The following SCHIP1 variants were observed in gnomAD, a reference collection of about 807,000 sequenced individuals.
SCHIP1 encodes schwannomin-interacting protein 1.
SCHIP1 carries 8 observed loss-of-function variants against 29.7 expected under a neutral mutation model. That is an observed-to-expected ratio of 0.27 (90% confidence interval 0.16 to 0.49). The LOEUF (loss-of-function observed/expected upper bound fraction) is 0.49, where lower values mean the gene tolerates loss of function less well. Ranked by LOEUF, SCHIP1 falls within the 20% of genes least tolerant of loss-of-function variation. The pLI, the probability that SCHIP1 is intolerant of heterozygous loss-of-function variation, is 0.99. For missense variants in SCHIP1, 193 were observed against 294.6 expected (o/e 0.66, Z 2.52); for synonymous variants, 76 against 94.9 (o/e 0.80, Z 1.16).
At chr3:159,607,538 A>G in the SCHIP1 span, among the ~76,000 whole-genome samples, 1 of 152,308 alleles carries the variant, frequency 6.6e-6, no homozygotes, top group Non-Finnish European at 1.5e-5. Flanking sequence ...AAGAACATTA[A>G]TGAGGCTCTG....
chr3:159,461,835 G>A, the SCHIP1 span, among the ~76,000 whole-genome samples: 5 of 152,124 alleles, frequency 3.3e-5, no homozygotes, highest in African/African-American at 9.6e-5. Context: ...GATAATACAC[G>A]TTCATTGTGG....
chr3:159,673,092 G>T, the SCHIP1 span, among the ~76,000 whole-genome samples: 2 of 152,120 alleles, frequency 1.3e-5, no homozygotes, highest in African/African-American at 2.4e-5. Context: ...TTCTAAAAAG[G>T]CTCCTCAATG....
chr3:159,376,837 C>G, the SCHIP1 span, among the ~76,000 whole-genome samples: 2 of 152,132 alleles, frequency 1.3e-5, no homozygotes, highest in Admixed American at 6.5e-5. Flanking sequence ...GTTTTGGGCT[C>G]CATATTGAAA....
chr3:159,737,469 TC>T, the SCHIP1 span, among the ~76,000 whole-genome samples: 2 of 152,190 alleles, frequency 1.3e-5, no homozygotes, highest in Non-Finnish European at 2.9e-5. Flanking sequence ...ACTGTAGTGT[TC>T]CCAGTAACTT....
At chr3:159,622,419 G>GT in the SCHIP1 span, among the ~76,000 whole-genome samples, 26,422 of 152,180 alleles carry the variant, frequency 0.17, 3,009 homozygotes, top group East Asian at 0.45. Flanking sequence ...AATGCTATTT[G>GT]TTTCTGATGA....
chr3:159,566,452 T>C, the SCHIP1 span, among the ~76,000 whole-genome samples: 1 of 152,180 alleles, frequency 6.6e-6, no homozygotes, highest in Non-Finnish European at 1.5e-5. Context: ...TTCATTTATC[T>C]ACATAAATCT....
intron 1 of SCHIP1, chr3:159,840,361 TA>T: frequency 1.4e-6 from 1 of 712,150 alleles, no homozygotes; most frequent in Admixed American, 2.2e-5. Context: ...ATCTGAATTG[TA>T]ATTAGCTTTT....
chr3:159,601,683 G>GT, the SCHIP1 span, among the ~76,000 whole-genome samples: 1 of 152,234 alleles, frequency 6.6e-6, no homozygotes, highest in Non-Finnish European at 1.5e-5. Context: ...CAGACAGGGA[G>GT]TTCTTGGGCT....
chr3:159,663,289 C>T, the SCHIP1 span, among the ~76,000 whole-genome samples: 1 of 152,080 alleles, frequency 6.6e-6, no homozygotes, highest in Non-Finnish European at 1.5e-5. Flanking sequence ...CTGAGTAACC[C>T]TTGGAGTGTG....
the SCHIP1 span, among the ~76,000 whole-genome samples, chr3:159,739,514 T>G: frequency 3.8e-4 from 58 of 152,382 alleles, no homozygotes; most frequent in African/African-American, 1.3e-3. Context: ...CTGTTTCCCA[T>G]GAAACCTCTA....
the SCHIP1 span, among the ~76,000 whole-genome samples, chr3:159,541,164 G>T: frequency 6.6e-6 from 1 of 152,130 alleles, no homozygotes; most frequent in Non-Finnish European, 1.5e-5. Flanking sequence ...AGTTGGAAAT[G>T]ATGGGCACAT....
the SCHIP1 span, among the ~76,000 whole-genome samples, chr3:159,486,451 T>G: frequency 6.6e-6 from 1 of 152,236 alleles, no homozygotes; most frequent in Non-Finnish European, 1.5e-5. Context: ...ATCCATGTTG[T>G]CACAAATGGG....
the SCHIP1 span, among the ~76,000 whole-genome samples, chr3:159,716,179 C>T: frequency 2.0e-5 from 3 of 152,144 alleles, no homozygotes; most frequent in Admixed American, 1.3e-4. Flanking sequence ...GAAATAAAAT[C>T]CTTTACAGAC....
the SCHIP1 span, among the ~76,000 whole-genome samples, chr3:159,562,012 A>G: frequency 1.3e-5 from 2 of 152,186 alleles, no homozygotes; most frequent in African/African-American, 4.8e-5. Flanking sequence ...ATACCCTTGA[A>G]CTAAGCATAC....
chr3:159,827,275 A>C, the SCHIP1 span, among the ~76,000 whole-genome samples: 11 of 152,208 alleles, frequency 7.2e-5, no homozygotes, highest in African/African-American at 2.7e-4. Flanking sequence ...AGACCTAAGG[A>C]AACTCTTTAG....
chr3:159,402,480 A>C, the SCHIP1 span, among the ~76,000 whole-genome samples: 1 of 152,236 alleles, frequency 6.6e-6, no homozygotes, highest in Non-Finnish European at 1.5e-5. Flanking sequence ...ACATATGCAC[A>C]CATATATTTA....
At chr3:159,870,009 T>G (rs1326605539) in intron 2 of SCHIP1, among the ~76,000 whole-genome samples, 2 of 152,012 alleles carry the variant, frequency 1.3e-5, no homozygotes, top group African/African-American at 2.4e-5. Context: ...TCAGTAATGC[T>G]TTCTCATTTG....
the SCHIP1 span, among the ~76,000 whole-genome samples, chr3:159,378,706 C>T: frequency 0.025 from 3,848 of 152,252 alleles, 157 homozygotes; most frequent in African/African-American, 0.088. Context: ...CTGAAAGCAA[C>T]TCTGGAAGTT....
the SCHIP1 span, among the ~76,000 whole-genome samples, chr3:159,695,811 C>T: frequency 3.3e-5 from 5 of 152,174 alleles, no homozygotes; most frequent in Non-Finnish European, 5.9e-5. Context: ...GAAGAGACCA[C>T]TATCCATATA....
Sources: allele counts gnomAD v4.1 joint callset (sites outside exome capture counted in the v4.1 genomes callset), GRCh38; gene constraint gnomAD v4.1.1; transcripts MANE v1.5; gene names NCBI Gene and HGNC (gene_info 2026-07-23, HGNC 2026-07-21).